The following ANO7 variants were observed in gnomAD, a reference collection of about 807,000 sequenced individuals.
The protein encoded by ANO7 is anoctamin-7.
ANO7 carries 114 observed loss-of-function variants against 115.8 expected under a neutral mutation model. That is an observed-to-expected ratio of 0.98 (90% CI 0.85 to 1.15). The LOEUF (loss-of-function observed/expected upper bound fraction) is 1.15, where lower values mean the gene tolerates loss of function less well. Among genes scored for constraint, ANO7 ranks in the 50% most tolerant of loss-of-function variants. The pLI is 0.00. For missense variants in ANO7, 1,302 were observed against 1,201.2 expected (o/e 1.08, Z -1.24); for synonymous variants, 550 against 498.2 (o/e 1.10, Z -1.38).
rs1003760539 is a variant in ANO7, at chr2:241,225,973, CAA to C, written c.*1822_*1823del. Among the ~76,000 whole-genome samples, 1 of 152,126 alleles carries C rather than the reference CAA, an allele frequency of 6.6e-6. No homozygotes were observed. Among genetic ancestry groups the C allele is most frequent in the African/African-American group, 2.4e-5 (1 of 41,412 alleles). ...TTTTTATTGTTGCTGTCTTAAACTC[CAA>C]AGTTTTAAGGTGAATTTATTGAAAC... On this transcript the variant is annotated 3_prime_UTR_variant, in exon 25 of 25. Transcript: ENST00000674324.
intron 3 of ANO7, among the ~76,000 whole-genome samples, chr2:241,195,404 T>C (rs1317427323): frequency 6.6e-6 from 1 of 151,906 alleles, no homozygotes; most frequent in Non-Finnish European, 1.5e-5. Flanking sequence ...CCTGTAGGAG[T>C]CTGGGACTTA....
chr2:241,216,163 G>C lies in ANO7; in HGVS notation c.1897G>C (p.Ala633Pro), dbSNP rs760741066. ...GAGGAAGGCGGGAGCTTCTGCAGGG[G>C]CTAGCCAGGGGCCCTGGGAGGACGA... is the stretch of plus-strand genomic sequence containing the variant. Reference protein sequence around the residue: ...KKRKAGASAGASQGPWEDDYE... With the variant: ...KKRKAGASAGPSQGPWEDDYE... The change falls in exon 19 of 25, where the codon GCT becomes CCT. Residue 633 changes from alanine (A) to proline (P), a missense_variant. Physicochemically the swap from Ala to Pro is conservative, Grantham distance 27. Coordinates refer to ENST00000674324, the MANE Select transcript of ANO7 (RefSeq NM_001370694.2). 1.1e-5 allele frequency: 17 copies of C among 1,613,202 alleles called. No homozygotes were observed. Among genetic ancestry groups the C allele is most frequent in the Non-Finnish European group, 1.4e-5 (17 of 1,179,910 alleles).
At chr2:241,239,766 C>T in the ANO7 span, 17 of 1,614,122 alleles carry the variant, frequency 1.1e-5, no homozygotes, top group Middle Eastern at 1.6e-4. This position sits in a 1 kb window ranked among gnomAD's most constrained non-coding sequence, Gnocchi z 4.6. Flanking sequence ...CTGCGGATGA[C>T]GAAGTGGCGG....
At chr2:241,197,040 C>T (rs2068354279) in intron 4 of ANO7, among the ~76,000 whole-genome samples, 1 of 152,204 alleles carries the variant, frequency 6.6e-6, no homozygotes, top group Non-Finnish European at 1.5e-5. Flanking sequence ...ATACTGCAGA[C>T]TTTTAACGTT....
chr2:241,193,274 T>C (rs1295753186), intron 3 of ANO7, among the ~76,000 whole-genome samples: 1 of 152,142 alleles, frequency 6.6e-6, no homozygotes, highest in East Asian at 1.9e-4. Context: ...TTCGCCATGT[T>C]GGTTGGGCAG....
At chr2:241,229,783 T>TGGGG, downstream of ANO7, 16 of 1,524,606 alleles carry the variant, frequency 1.0e-5, no homozygotes, top group Non-Finnish European at 1.3e-5. Flanking sequence ...CAAGCCCGCC[T>TGGGG]GCCCGCCCAC....
chr2:241,238,473 C>A, the ANO7 span: 1 of 481,418 alleles, frequency 2.1e-6, no homozygotes, highest in Non-Finnish European at 3.6e-6. The surrounding 1 kb of genome is among the most constrained non-coding windows in gnomAD (Gnocchi z 4.9). Context: ...CAGTAACTGA[C>A]GTGGTCCATC....
chr2:241,202,898 C>G (rs1167999084), intron 8 of ANO7, among the ~76,000 whole-genome samples: 1 of 152,188 alleles, frequency 6.6e-6, no homozygotes, highest in African/African-American at 2.4e-5. Context: ...CCAACGCCGT[C>G]ATGAGGGTTA....
At chr2:241,214,756 T>A in intron 17 of ANO7, 49 bp from the exon 18 acceptor site, 4 of 1,529,694 alleles carry the variant, frequency 2.6e-6, no homozygotes, top group Non-Finnish European at 3.6e-6. Flanking sequence ...GATGCGTGGG[T>A]GAGTGGCTGG....
At chr2:241,193,478 C>T (rs890787212) in intron 3 of ANO7, among the ~76,000 whole-genome samples, 3 of 152,184 alleles carry the variant, frequency 2.0e-5, no homozygotes, top group African/African-American at 7.2e-5. Context: ...TGTGCAGCCA[C>T]AGGCCTACCC....
intron 19 of ANO7, 129 bp downstream of exon 19, chr2:241,216,367 G>A (rs2068829063): frequency 7.9e-7 from 1 of 1,260,284 alleles, no homozygotes; most frequent in South Asian, 1.6e-5. Flanking sequence ...TGTGGGGGTG[G>A]GGTGGGAACA....
intron 19 of ANO7, 132 bp downstream of exon 19, chr2:241,216,370 T>G: frequency 1.6e-5 from 19 of 1,161,518 alleles, no homozygotes; most frequent in Non-Finnish European, 1.9e-5. Context: ...GGGGGTGGGG[T>G]GGGAACAGAG....
rs542758738 is a variant in ANO7 at position 241,218,597 on chromosome 2, G to A, written c.2321+216G>A. Among the ~76,000 whole-genome samples the A allele has an allele frequency of 3.3e-5, 5 of 152,348 alleles. No homozygotes were observed. The East Asian group carries it at 9.6e-4, about 29-fold the overall frequency. On this transcript the variant is annotated intron_variant, in intron 21 of 24. Coordinates refer to ENST00000674324, the MANE Select transcript of ANO7 (RefSeq NM_001370694.2). ...GCTTTGCGGGGCTGGAGGGCAAATC[G>A]TGGATTCTAGGTGAATTGCTAGTTG...
intron 8 of ANO7, among the ~76,000 whole-genome samples, chr2:241,202,570 T>C (rs1161151591): frequency 6.6e-6 from 1 of 152,232 alleles, no homozygotes; most frequent in East Asian, 1.9e-4. Context: ...CTCTAGATGC[T>C]ATGGCTCTGT....
rs113377956 is a variant in ANO7, at chr2:241,209,265, G to T, written c.1078-20G>T. ...CCTCCAGTCCCAAGCAAGTCTGGAC[G>T]CCCCCGCTCCCTGCCACAGGCCGGC... On this transcript the variant is annotated intron_variant, in intron 11 of 24. Transcript: ENST00000674324. The T allele has an allele frequency of 6.5e-7, 1 of 1,542,494 alleles. No homozygotes were observed. Among genetic ancestry groups the T allele is most frequent in the Admixed American group, 2.0e-5 (1 of 50,668 alleles).
chr2:241,195,570 C>T (rs773692979), intron 3 of ANO7, 133 bp from the exon 4 acceptor site: 10 of 817,682 alleles, frequency 1.2e-5, no homozygotes, highest in African/African-American at 5.1e-5. Context: ...GAGAGGGGAT[C>T]GGGAAGGAAC....
At chr2:241,230,188 C>T (rs1041170759), downstream of ANO7, 11 of 1,613,714 alleles carry the variant, frequency 6.8e-6, no homozygotes, top group African/African-American at 1.2e-4. This position sits in a 1 kb window ranked among gnomAD's most constrained non-coding sequence, Gnocchi z 5.0. Flanking sequence ...TGGTCGATGG[C>T]TTCCTCCACA....
chr2:241,200,457 C>G (rs2068443573), intron 6 of ANO7, among the ~76,000 whole-genome samples: 1 of 152,268 alleles, frequency 6.6e-6, no homozygotes, highest in Admixed American at 6.5e-5. Flanking sequence ...GGCCCAGTGG[C>G]TGGACACGCG....
At position 241,209,540 on chromosome 2, in the gene ANO7, G is replaced by A; in HGVS notation, c.1264G>A (p.Ala422Thr). The A allele has an allele frequency of 6.3e-7, 1 of 1,597,428 alleles. No individual in the cohort carries two copies. Residue 422 changes from alanine (A) to threonine (T), a missense_variant, in exon 13 of 25, where the codon GCC becomes ACC. Transcript: ENST00000674324. The stretch of plus-strand genomic sequence containing the variant: ...GTTTGCCGCCTCAGCCCCCATGACA[G>A]CCCCGAACCCCATCACGGGTGAGGA... ...PQFAASAPMTAPNPITGEDEP... is the reference protein window; with the variant it reads ...PQFAASAPMTTPNPITGEDEP...
Sources: allele counts gnomAD v4.1 joint callset (sites outside exome capture counted in the v4.1 genomes callset), GRCh38; gene constraint gnomAD v4.1.1; non-coding constraint Gnocchi (gnomAD v3.1); transcripts MANE v1.5; gene names NCBI Gene and HGNC (gene_info 2026-07-23, HGNC 2026-07-21).